The following CEP112 variants were observed in gnomAD, a reference collection of about 807,000 sequenced individuals.
CEP112 encodes the protein centrosomal protein 112.
Under a neutral mutation model 153.0 loss-of-function variants are expected in CEP112, and 127 were observed. The ratio of observed to expected loss-of-function variants is 0.83; its 90% confidence interval spans 0.72 to 0.96. CEP112 has a LOEUF of 0.96. CEP112 is among the 40% of genes least tolerant of loss of function. CEP112 has a pLI of 0.00. For synonymous variants in CEP112, 358 were observed against 374.4 expected, an observed-to-expected ratio of 0.96 and a Z score of 0.51; for missense variants, 1,089 against 1,101.2, an observed-to-expected ratio of 0.99 and a Z score of 0.16.
At chr17:65,853,412 AT>A (rs1275192016) in intron 20 of CEP112, among the ~76,000 whole-genome samples, 1 of 152,050 alleles carries the variant, frequency 6.6e-6, no homozygotes, top group African/African-American at 2.4e-5. Flanking sequence ...GCATCACCTA[AT>A]TTTAACTTGA....
chr17:65,970,473 T>TATATTACATGCATGCACACTACATGC (rs1568314783), intron 17 of CEP112, among the ~76,000 whole-genome samples: 15 of 60,580 alleles, frequency 2.5e-4, no homozygotes, highest in African/African-American at 3.9e-4. Context: ...CACATGCATG[T>TATATTACATGCATGCACACTACATGC]ATATTACATG....
chr17:65,940,591 A>G (rs951258661), intron 18 of CEP112, among the ~76,000 whole-genome samples: 2 of 152,236 alleles, frequency 1.3e-5, no homozygotes, highest in Non-Finnish European at 2.9e-5. Context: ...TTGTGATAAC[A>G]TGGATAAACC....
At chr17:66,049,067 A>C (rs529916509) in intron 12 of CEP112, among the ~76,000 whole-genome samples, 36 of 152,362 alleles carry the variant, frequency 2.4e-4, no homozygotes, top group Non-Finnish European at 4.7e-4. Context: ...CCTTAGGATT[A>C]CAAGGCTTGC....
chr17:65,958,489 T>A (rs2062078240), intron 18 of CEP112, among the ~76,000 whole-genome samples: 1 of 129,650 alleles, frequency 7.7e-6, no homozygotes, highest in South Asian at 2.9e-4. Flanking sequence ...GGCTCAGAAG[T>A]GCTTGCTCCT....
chr17:65,897,507 C>T (rs2059698084), intron 20 of CEP112, among the ~76,000 whole-genome samples: 1 of 152,042 alleles, frequency 6.6e-6, no homozygotes, highest in Admixed American at 6.6e-5. Flanking sequence ...TAGGCATTAA[C>T]TCCTAAATAA....
rs539993242 is a variant in CEP112, at chr17:66,181,087, A to G, written c.106+2107T>C. On this transcript the variant is annotated intron_variant, in intron 2 of 26. Coordinates refer to ENST00000535342, the MANE Select transcript of CEP112 (RefSeq NM_001199165.4). The stretch of plus-strand genomic sequence containing the variant: ...CACATCCCATAGCAAACTGAAATCT[A>G]TATAATATTCTAATGTCCAGAATTT... Among the ~76,000 whole-genome samples, 7 of 152,296 alleles carry G rather than the reference A, an allele frequency of 4.6e-5. No homozygotes were observed. In the South Asian group the frequency reaches 1.4e-3, roughly 32 times the overall value.
intron 19 of CEP112, chr17:65,903,281 C>T (rs1240458956): frequency 6.6e-6 from 1 of 152,242 alleles, no homozygotes; most frequent in East Asian, 1.9e-4. Context: ...GTGTTATTTT[C>T]GGCGTGAGAA....
intron 19 of CEP112, among the ~76,000 whole-genome samples, chr17:65,920,156 C>T: frequency 6.6e-6 from 1 of 151,220 alleles, no homozygotes; most frequent in South Asian, 2.1e-4. Context: ...ACCAACCTAG[C>T]CAACATGGTG....
At chr17:65,902,704 C>G (rs946608990) in intron 19 of CEP112, among the ~76,000 whole-genome samples, 1 of 151,964 alleles carries the variant, frequency 6.6e-6, no homozygotes, top group Non-Finnish European at 1.5e-5. Flanking sequence ...ATGTAAAAAG[C>G]AGCAATTAAA....
chr17:65,998,162 C>T (rs1406313570), intron 17 of CEP112, among the ~76,000 whole-genome samples: 1 of 151,870 alleles, frequency 6.6e-6, no homozygotes, highest in Non-Finnish European at 1.5e-5. Context: ...GGATGGATCA[C>T]TTGAGCTCAG....
intron 8 of CEP112, among the ~76,000 whole-genome samples, chr17:66,071,906 G>GT (rs1168199808): frequency 6.6e-6 from 1 of 152,114 alleles, no homozygotes; most frequent in Non-Finnish European, 1.5e-5. Context: ...GGATTTTTGT[G>GT]TATCTTTTTA....
chr17:66,014,033 G>A (rs995629401), intron 16 of CEP112, among the ~76,000 whole-genome samples: 6 of 152,234 alleles, frequency 3.9e-5, no homozygotes, highest in Admixed American at 1.3e-4. Context: ...GCAAGTGGGG[G>A]ACGGGTACAC....
At chr17:65,821,588 G>A (rs1215484842) in intron 21 of CEP112, among the ~76,000 whole-genome samples, 8 of 109,380 alleles carry the variant, frequency 7.3e-5, no homozygotes, top group Admixed American at 2.6e-4. Context: ...GTCTTGCTCT[G>A]TCGCCCAGGC....
At position 65,826,125 on chromosome 17, in the gene CEP112, G is replaced by A. The variant is rs577878792; in HGVS notation, c.2394+25679C>T. 1.2e-5 allele frequency: 19 copies of A among 1,613,212 alleles called. No homozygotes were observed. In the South Asian group the frequency reaches 1.8e-4, roughly 15 times the overall value. On this transcript the variant is annotated intron_variant, in intron 21 of 26. Coordinates refer to ENST00000535342, the MANE Select transcript of CEP112 (RefSeq NM_001199165.4). ...TCCCTATGTCAGGAGGACAGAGGTT[G>A]TCTTGTTCTTACCTTCTTCTCTTTG... is the stretch of plus-strand genomic sequence containing the variant.
At chr17:65,976,389 T>C (rs1313258629) in intron 17 of CEP112, among the ~76,000 whole-genome samples, 1 of 152,222 alleles carries the variant, frequency 6.6e-6, no homozygotes, top group Non-Finnish European at 1.5e-5. Context: ...GTTACCCTTT[T>C]TTTTAGGTTC....
At chr17:65,898,424 TC>T (rs2059730489) in intron 20 of CEP112, among the ~76,000 whole-genome samples, 1 of 152,110 alleles carries the variant, frequency 6.6e-6, no homozygotes, top group African/African-American at 2.4e-5. Flanking sequence ...ATTAAAATTG[TC>T]CTATCAATAT....
chr17:66,075,280 T>C (rs62065715), intron 8 of CEP112, among the ~76,000 whole-genome samples: 13,413 of 152,238 alleles, frequency 0.088, 651 homozygotes, highest in South Asian at 0.17. Flanking sequence ...AATTAGATTA[T>C]ACTGTTTTAA....
At chr17:65,709,260 A>G (rs1174224429) in intron 23 of CEP112, among the ~76,000 whole-genome samples, 1 of 152,266 alleles carries the variant, frequency 6.6e-6, no homozygotes, top group East Asian at 1.9e-4. Context: ...TTTGCAATAT[A>G]TATGTTACAA....
At position 65,851,890 on chromosome 17, in the gene CEP112, C is replaced by G. The variant is rs137923595; in HGVS notation, c.2308G>C (p.Val770Leu). The G allele has an allele frequency of 6.2e-7, 1 of 1,614,138 alleles. No individual in the cohort carries two copies. Among genetic ancestry groups the G allele is most frequent in the Non-Finnish European group, 8.5e-7 (1 of 1,180,014 alleles). Residue 770 changes from valine (V) to leucine (L), a missense_variant, in exon 21 of 27, where the codon GTC becomes CTC. Coordinates refer to ENST00000535342, the MANE Select transcript of CEP112 (RefSeq NM_001199165.4). ...QRATREHEIV[V>L]NKLKAESEKM... is the part of the protein sequence containing the mutation. ...TCTGATTCAGCCTTCAGTTTATTGACGACAATCTCATGTTCCCTTGTAGCC... is the reference window on the plus strand; with the variant it reads ...TCTGATTCAGCCTTCAGTTTATTGAGGACAATCTCATGTTCCCTTGTAGCC...
Sources: allele counts gnomAD v4.1 joint callset (sites outside exome capture counted in the v4.1 genomes callset), GRCh38; gene constraint gnomAD v4.1.1; transcripts MANE v1.5; gene names NCBI Gene and HGNC (gene_info 2026-07-23, HGNC 2026-07-21).